C12orf42: variants seen among roughly 807,000 people sequenced by gnomAD.
The protein encoded by C12orf42 is chromosome 12 open reading frame 42, also known as uncharacterized protein C12orf42.
Under a neutral mutation model 21.6 loss-of-function variants are expected in C12orf42, and 25 were observed. That is an observed-to-expected ratio of 1.16 (90% confidence interval 0.84 to 1.62). C12orf42 has a LOEUF of 1.62. C12orf42 is among the 40% of genes most tolerant of loss of function. The probability of loss-of-function intolerance (pLI) is 0.00; values close to 1 mark genes in which losing one functional copy is unlikely to be tolerated. For missense variants in C12orf42, 483 were observed against 459.3 expected, an observed-to-expected ratio of 1.05 and a Z score of -0.47; for synonymous variants, 174 against 175.0, an observed-to-expected ratio of 0.99 and a Z score of 0.05.
chr12:103,265,601 T>C (rs1038316414), downstream of C12orf42, among the ~76,000 whole-genome samples: 2 of 152,202 alleles, frequency 1.3e-5, no homozygotes, highest in Non-Finnish European at 2.9e-5. Flanking sequence ...CTAGTTCTAA[T>C]GCTATTTTAC....
the C12orf42 span, among the ~76,000 whole-genome samples, chr12:103,062,100 A>G: frequency 6.6e-6 from 1 of 151,974 alleles, no homozygotes; most frequent in Non-Finnish European, 1.5e-5. Context: ...GTCAATGCTT[A>G]TTATGATCTT....
the C12orf42 span, among the ~76,000 whole-genome samples, chr12:103,542,218 T>G: frequency 2.6e-5 from 4 of 152,238 alleles, no homozygotes; most frequent in Admixed American, 2.6e-4. Context: ...TTGCATTTAC[T>G]ACCAGCTCTG....
At chr12:103,231,626 T>C in the C12orf42 span, among the ~76,000 whole-genome samples, 1 of 152,246 alleles carries the variant, frequency 6.6e-6, no homozygotes. Context: ...CCATGTCTTT[T>C]GATGGCTTGG....
chr12:103,324,635 G>A (rs185297160), intron 4 of C12orf42, among the ~76,000 whole-genome samples: 28 of 152,200 alleles, frequency 1.8e-4, no homozygotes, highest in Non-Finnish European at 3.1e-4. Context: ...CCTTACTTCA[G>A]AGTTTCTATT....
downstream of C12orf42, among the ~76,000 whole-genome samples, chr12:103,299,149 C>T (rs931439405): frequency 2.6e-4 from 39 of 151,934 alleles, no homozygotes; most frequent in African/African-American, 8.9e-4. Context: ...TAATACAGCT[C>T]TATGTATAAA....
chr12:103,560,697 C>T, the C12orf42 span, among the ~76,000 whole-genome samples: 4 of 152,174 alleles, frequency 2.6e-5, no homozygotes, highest in Non-Finnish European at 4.4e-5. Flanking sequence ...AATACAGGCC[C>T]TGGAGTGTGA....
chr12:103,101,577 C>G, the C12orf42 span, among the ~76,000 whole-genome samples: 1 of 152,226 alleles, frequency 6.6e-6, no homozygotes, highest in African/African-American at 2.4e-5. Flanking sequence ...AAATCTCTAT[C>G]TAGAACATCA....
At chr12:103,234,273 T>G (rs1432909181), downstream of C12orf42, among the ~76,000 whole-genome samples, 1 of 152,208 alleles carries the variant, frequency 6.6e-6, no homozygotes, top group Non-Finnish European at 1.5e-5. Context: ...GTTGTTCATG[T>G]GCTTAGGTAC....
chr12:103,119,414 G>A, the C12orf42 span, among the ~76,000 whole-genome samples: 1 of 152,090 alleles, frequency 6.6e-6, no homozygotes, highest in South Asian at 2.1e-4. Context: ...TTGTCCCATT[G>A]AGTTGGAGCA....
the C12orf42 span, among the ~76,000 whole-genome samples, chr12:103,515,943 T>C: frequency 6.6e-6 from 1 of 152,212 alleles, no homozygotes; most frequent in African/African-American, 2.4e-5. Flanking sequence ...GCTAATGTCA[T>C]GTGTAAGAAA....
the C12orf42 span, among the ~76,000 whole-genome samples, chr12:103,195,263 A>G: frequency 6.6e-5 from 10 of 152,122 alleles, no homozygotes; most frequent in Admixed American, 6.6e-4. Context: ...ATACACATGC[A>G]TGTGTATTTA....
At chr12:103,430,150 G>T (rs564580115) in intron 2 of C12orf42, among the ~76,000 whole-genome samples, 8 of 152,288 alleles carry the variant, frequency 5.3e-5, no homozygotes, top group Admixed American at 1.3e-4. Flanking sequence ...CACAGCAAAA[G>T]AAACTATCAT....
At chr12:103,455,534 T>C (rs112751823) in intron 2 of C12orf42, among the ~76,000 whole-genome samples, 2,161 of 152,236 alleles carry the variant, frequency 0.014, 68 homozygotes, top group African/African-American at 0.049. Flanking sequence ...TGGTTTGACA[T>C]CACCATCTTG....
downstream of C12orf42, chr12:103,268,248 A>G (rs2035267671): frequency 6.6e-6 from 1 of 151,902 alleles, no homozygotes; most frequent in Non-Finnish European, 1.5e-5. Context: ...AGCTGTTTAT[A>G]CATCTTCTTC....
chr12:103,225,284 C>A, the C12orf42 span, among the ~76,000 whole-genome samples: 1 of 152,138 alleles, frequency 6.6e-6, no homozygotes, highest in Non-Finnish European at 1.5e-5. Context: ...CCTGAACTAA[C>A]TTGTAAGGCT....
At chr12:103,126,855 A>T in the C12orf42 span, among the ~76,000 whole-genome samples, 495 of 152,338 alleles carry the variant, frequency 3.2e-3, 2 homozygotes, top group African/African-American at 1.0e-2. Context: ...ACATCACTAT[A>T]TAAAGGGCAT....
At chr12:103,306,498 A>G (rs1270693377) in intron 4 of C12orf42, among the ~76,000 whole-genome samples, 153 bp from the exon 5 acceptor site, 1 of 152,180 alleles carries the variant, frequency 6.6e-6, no homozygotes, top group East Asian at 1.9e-4. Context: ...GTAGCTGAGT[A>G]GGAGAAGAAG....
At chr12:103,558,593 T>C in the C12orf42 span, 5 of 152,242 alleles carry the variant, frequency 3.3e-5, no homozygotes, top group African/African-American at 1.2e-4. Context: ...TGTCATTCTC[T>C]AGCACTGTAT....
At chr12:103,194,493 CA>C in the C12orf42 span, among the ~76,000 whole-genome samples, 1 of 152,016 alleles carries the variant, frequency 6.6e-6, no homozygotes, top group Non-Finnish European at 1.5e-5. Flanking sequence ...AATCAACATA[CA>C]AAAATTAGTT....
Sources: allele counts gnomAD v4.1 joint callset (sites outside exome capture counted in the v4.1 genomes callset), GRCh38; gene constraint gnomAD v4.1.1; transcripts MANE v1.5; gene names NCBI Gene and HGNC (gene_info 2026-07-23, HGNC 2026-07-21).